Variants in SGCZ observed in about 807,000 individuals in gnomAD.
The protein encoded by SGCZ is sarcoglycan zeta, also known as zeta-sarcoglycan.
In SGCZ, 40 loss-of-function variants were observed where a neutral mutation model predicts 41.3. That is an observed-to-expected ratio of 0.97 (90% CI 0.75 to 1.26). The LOEUF (loss-of-function observed/expected upper bound fraction) is 1.26. Among genes scored for constraint, SGCZ ranks in the 50% most tolerant of loss-of-function variants. The pLI is 0.00. For synonymous variants in SGCZ, 206 were observed against 137.5 expected (o/e 1.50, Z -3.49); for missense variants, 552 against 369.8 (o/e 1.49, Z -4.04).
chr8:14,353,893 A>G (rs1281853538), intron 2 of SGCZ, among the ~76,000 whole-genome samples: 1 of 152,110 alleles, frequency 6.6e-6, no homozygotes. Context: ...GTTTATTCCT[A>G]TAACCACCCA....
intron 1 of SGCZ, among the ~76,000 whole-genome samples, chr8:14,766,395 C>A (rs1200037154): frequency 6.6e-6 from 1 of 152,106 alleles, no homozygotes; most frequent in African/African-American, 2.4e-5. Flanking sequence ...AATTTGTTTA[C>A]TTATTGGATC....
At chr8:14,301,698 G>A (rs2116973503) in intron 3 of SGCZ, among the ~76,000 whole-genome samples, 1 of 152,176 alleles carries the variant, frequency 6.6e-6, no homozygotes, top group African/African-American at 2.4e-5. Context: ...TTGACAAAAG[G>A]TAGAAAAAGG....
intron 4 of SGCZ, among the ~76,000 whole-genome samples, chr8:14,234,554 T>C (rs1357483057): frequency 1.3e-5 from 2 of 152,018 alleles, no homozygotes; most frequent in African/African-American, 4.8e-5. Flanking sequence ...ACTTAGAAAA[T>C]GAAGAGTAAC....
chr8:14,849,010 T>A (rs990674037), intron 1 of SGCZ, among the ~76,000 whole-genome samples: 1 of 152,074 alleles, frequency 6.6e-6, no homozygotes, highest in Non-Finnish European at 1.5e-5. Flanking sequence ...ATTAAAAATT[T>A]AGTAAAATAT....
At chr8:14,685,282 G>A (rs1334088277) in intron 1 of SGCZ, among the ~76,000 whole-genome samples, 1 of 151,992 alleles carries the variant, frequency 6.6e-6, no homozygotes, top group East Asian at 1.9e-4. Context: ...GTGGTATTTT[G>A]GGGTGGACAT....
At chr8:14,808,530 A>C (rs1459762171) in intron 1 of SGCZ, among the ~76,000 whole-genome samples, 1 of 152,194 alleles carries the variant, frequency 6.6e-6, no homozygotes, top group East Asian at 1.9e-4. Context: ...CCACAATGAG[A>C]TACCATCTCA....
At chr8:14,350,904 A>G (rs1306450805) in intron 2 of SGCZ, among the ~76,000 whole-genome samples, 2 of 152,188 alleles carry the variant, frequency 1.3e-5, no homozygotes, top group Non-Finnish European at 2.9e-5. Context: ...TTATTTGGTT[A>G]CAGGTGCTTT....
intron 1 of SGCZ, among the ~76,000 whole-genome samples, chr8:15,159,754 CCCCG>C (rs1799455959): frequency 1.5e-5 from 1 of 65,096 alleles, no homozygotes; most frequent in Non-Finnish European, 3.4e-5. Context: ...TCCCCCCCAC[CCCCG>C]CCACACACAC....
intron 1 of SGCZ, among the ~76,000 whole-genome samples, chr8:14,670,098 T>C (rs954937398): frequency 9.9e-5 from 15 of 152,208 alleles, no homozygotes; most frequent in African/African-American, 3.4e-4. Flanking sequence ...AGCAGGAATT[T>C]TAAAAATTGT....
intron 2 of SGCZ, among the ~76,000 whole-genome samples, chr8:14,398,674 C>T (rs1037827193): frequency 6.6e-6 from 1 of 151,990 alleles, no homozygotes; most frequent in Non-Finnish European, 1.5e-5. Context: ...GAAGTAATTA[C>T]AAAGGGTGCT....
At chr8:14,449,683 A>G (rs1308346088) in intron 2 of SGCZ, among the ~76,000 whole-genome samples, 2 of 152,148 alleles carry the variant, frequency 1.3e-5, no homozygotes, top group Non-Finnish European at 2.9e-5. Flanking sequence ...TTTCACCCTC[A>G]AAGATACTCT....
chr8:14,575,444 C>T (rs1269943629), intron 1 of SGCZ, among the ~76,000 whole-genome samples: 1 of 152,098 alleles, frequency 6.6e-6, no homozygotes, highest in Non-Finnish European at 1.5e-5. Flanking sequence ...AATATGTATA[C>T]CTTATTTTCC....
intron 1 of SGCZ, among the ~76,000 whole-genome samples, chr8:15,114,999 G>C (rs1807214864): frequency 6.6e-6 from 1 of 152,008 alleles, no homozygotes; most frequent in Non-Finnish European, 1.5e-5. Context: ...TAGTACATTA[G>C]TTATGATAAA....
At chr8:14,694,900 A>G (rs1311766038) in intron 1 of SGCZ, among the ~76,000 whole-genome samples, 1 of 152,212 alleles carries the variant, frequency 6.6e-6, no homozygotes, top group Non-Finnish European at 1.5e-5. Flanking sequence ...ATTCAAAAGC[A>G]ATATTTAAAT....
rs753136540 is a variant in SGCZ, at chr8:14,554,819, T to G, written c.147A>C (p.Leu49Phe). 8 of 1,613,274 alleles carry G rather than the reference T, an allele frequency of 5.0e-6. No individual in the cohort carries two copies. Among genetic ancestry groups the G allele is most frequent in the Admixed American group, 1.7e-5 (1 of 59,884 alleles). The change falls in exon 2 of 8, where the codon TTA becomes TTC. Residue 49 changes from leucine (L) to phenylalanine (F), a missense_variant. By Grantham distance (22) the Leu-to-Phe change is conservative. Coordinates refer to ENST00000382080, the MANE Select transcript of SGCZ (RefSeq NM_139167.4). Reference sequence around the variant, plus strand: ...CCAACAGCAGAAGGACAAAGAAGTATAAGCACCTCTTTCGCCATCCATAAA... The same window carrying G: ...CCAACAGCAGAAGGACAAAGAAGTAGAAGCACCTCTTTCGCCATCCATAAA... Reference protein sequence around the residue: ...VGIYGWRKRCLYFFVLLLLVT... With the variant: ...VGIYGWRKRCFYFFVLLLLVT...
At chr8:14,864,794 A>G (rs116327322) in intron 1 of SGCZ, among the ~76,000 whole-genome samples, 3,584 of 152,220 alleles carry the variant, frequency 0.024, 52 homozygotes, top group Middle Eastern at 0.048. Context: ...CACCAACAGT[A>G]TATAAGAGCT....
At chr8:15,211,804 T>C (rs900779642) in intron 1 of SGCZ, among the ~76,000 whole-genome samples, 7 of 152,138 alleles carry the variant, frequency 4.6e-5, no homozygotes, top group Admixed American at 1.3e-4. Flanking sequence ...AACAGACTGA[T>C]TTTTTAGTAG....
chr8:14,611,363 T>C (rs985140615), intron 1 of SGCZ, among the ~76,000 whole-genome samples: 1 of 152,148 alleles, frequency 6.6e-6, no homozygotes. Context: ...TGAAATAGAT[T>C]GTGGAATTGT....
At chr8:14,865,222 C>G (rs1009791118) in intron 1 of SGCZ, among the ~76,000 whole-genome samples, 2 of 152,090 alleles carry the variant, frequency 1.3e-5, no homozygotes, top group African/African-American at 4.8e-5. Context: ...TGCATCTCCT[C>G]TCAACGTCCT....
Sources: allele counts gnomAD v4.1 joint callset (sites outside exome capture counted in the v4.1 genomes callset), GRCh38; gene constraint gnomAD v4.1.1; transcripts MANE v1.5; gene names NCBI Gene and HGNC (gene_info 2026-07-23, HGNC 2026-07-21).